The following RPS6KA2 variants were observed in gnomAD, a reference collection of about 807,000 sequenced individuals.
The protein encoded by RPS6KA2 is ribosomal protein S6 kinase alpha-2.
In RPS6KA2, 42 loss-of-function variants were observed where a neutral mutation model predicts 91.8. The observed-to-expected ratio is 0.46, with a 90% CI of 0.36 to 0.59. The LOEUF is 0.59. Ranked by LOEUF, RPS6KA2 falls within the 20% of genes least tolerant of loss-of-function variation. The probability of loss-of-function intolerance (pLI) is 0.00; values close to 1 mark genes in which losing one functional copy is unlikely to be tolerated. For synonymous variants in RPS6KA2, 414 were observed against 393.6 expected (o/e 1.05, Z -0.61); for missense variants, 798 against 978.5 (o/e 0.82, Z 2.46).
intron 1 of RPS6KA2, among the ~76,000 whole-genome samples, chr6:166,583,748 T>C (rs1785090578): frequency 6.6e-6 from 1 of 152,236 alleles, no homozygotes; most frequent in South Asian, 2.1e-4. Context: ...CTCACTTGGC[T>C]TGTTTCAGTC....
chr6:166,417,983 G>A (rs192961569), intron 19 of RPS6KA2, among the ~76,000 whole-genome samples: 248 of 152,162 alleles, frequency 1.6e-3, no homozygotes, highest in African/African-American at 4.8e-3. Flanking sequence ...AGCTACTTGG[G>A]AGGCTGAGAC....
Position 166,853,792 on chromosome 6 carries a change from G to A in RPS6KA2, c.123+4408C>T, listed in dbSNP as rs1383998594. On this transcript the variant is annotated intron_variant, in intron 2 of 21. Coordinates refer to the RPS6KA2 transcript ENST00000503859. Reference sequence around the variant, plus strand: ...GCAGGGCAGTCCCCAGGGGAGCCACGAGCTTGTTTCCTGCACGGAGCTGTC... The same window carrying A: ...GCAGGGCAGTCCCCAGGGGAGCCACAAGCTTGTTTCCTGCACGGAGCTGTC... Among the ~76,000 whole-genome samples the A allele has an allele frequency of 2.6e-5, 4 of 152,350 alleles. 1 individual carries two copies. The East Asian group carries it at 7.7e-4, about 29-fold the overall frequency.
intron 2 of RPS6KA2, among the ~76,000 whole-genome samples, chr6:166,727,284 G>A (rs947782968): frequency 9.3e-5 from 14 of 151,342 alleles, no homozygotes; most frequent in African/African-American, 2.9e-4. Context: ...TTATTATATC[G>A]CATCTTATAA....
intron 2 of RPS6KA2, among the ~76,000 whole-genome samples, chr6:166,669,977 T>C (rs2128560553): frequency 6.6e-6 from 1 of 152,230 alleles, no homozygotes; most frequent in South Asian, 2.1e-4. Context: ...GGGTTGAGGG[T>C]TGCTCCTCCC....
At chr6:166,660,959 T>A (rs1788147409) in intron 2 of RPS6KA2, among the ~76,000 whole-genome samples, 2 of 152,270 alleles carry the variant, frequency 1.3e-5, no homozygotes, top group East Asian at 3.9e-4. Flanking sequence ...GTCATAAAAA[T>A]TTTGAGGTTA....
chr6:166,663,761 G>A (rs1274564576), intron 2 of RPS6KA2, among the ~76,000 whole-genome samples: 1 of 152,196 alleles, frequency 6.6e-6, no homozygotes, highest in Non-Finnish European at 1.5e-5. Flanking sequence ...TGGATGGGAG[G>A]ATGAACACAG....
At chr6:166,436,757 C>T (rs1003254839) in intron 14 of RPS6KA2, among the ~76,000 whole-genome samples, 2 of 152,200 alleles carry the variant, frequency 1.3e-5, no homozygotes, top group Non-Finnish European at 2.9e-5. Context: ...CGCTCCCCGT[C>T]CTGGAAGGGA....
intron 14 of RPS6KA2, among the ~76,000 whole-genome samples, chr6:166,439,534 G>A (rs1394969427): frequency 6.6e-6 from 1 of 152,234 alleles, no homozygotes; most frequent in Non-Finnish European, 1.5e-5. Flanking sequence ...ACTTTGTTGA[G>A]GTGCTGGAAC....
rs115310548 is a variant in RPS6KA2, at chr6:166,612,073, C to T, written c.99+14848G>A. ...TGAATAAGGCATCCAACCCATTCTC[C>T]AACACCCCTTTCCCAGGCCTGTTTG... On this transcript the variant is annotated intron_variant, in intron 1 of 20. Transcript: ENST00000265678. The surrounding 1 kb of genome is among the most constrained non-coding windows in gnomAD (Gnocchi z 4.3). 7.4e-3 allele frequency among the ~76,000 whole-genome samples: 1,122 copies of T among 152,308 alleles called. 10 individuals are homozygous for T. The highest frequency in any genetic ancestry group is 0.023 in the African/African-American group (945 of 41,556).
chr6:166,530,644 T>C (rs1392533130), intron 3 of RPS6KA2, among the ~76,000 whole-genome samples: 1 of 152,170 alleles, frequency 6.6e-6, no homozygotes, highest in African/African-American at 2.4e-5. Context: ...TAGGAGGTGA[T>C]CAGAACAGAT....
At chr6:166,569,702 C>T (rs1319181861) in intron 1 of RPS6KA2, among the ~76,000 whole-genome samples, 6 of 152,324 alleles carry the variant, frequency 3.9e-5, no homozygotes, top group East Asian at 3.9e-4. Flanking sequence ...CTTCTGTGTC[C>T]TTGTGATCCC....
At chr6:166,552,230 G>A (rs150920609) in intron 1 of RPS6KA2, among the ~76,000 whole-genome samples, 28 of 152,358 alleles carry the variant, frequency 1.8e-4, no homozygotes, top group African/African-American at 5.8e-4. Flanking sequence ...GCCACATTTT[G>A]TACTAATGCC....
chr6:166,478,424 G>A (rs1372965582), intron 10 of RPS6KA2, among the ~76,000 whole-genome samples: 6 of 152,148 alleles, frequency 3.9e-5, no homozygotes, highest in South Asian at 2.1e-4. Flanking sequence ...CGGGCAAGGC[G>A]GGCATGACTC....
chr6:166,642,622 A>G (rs1787479813), intron 2 of RPS6KA2, among the ~76,000 whole-genome samples: 1 of 152,284 alleles, frequency 6.6e-6, no homozygotes, highest in Non-Finnish European at 1.5e-5. Flanking sequence ...AAAGTTTCCA[A>G]AGCAATCAAT....
chr6:166,432,510 T>C lies in RPS6KA2; in HGVS notation c.1333-20A>G. On this transcript the variant is annotated intron_variant, in intron 14 of 20. Coordinates refer to ENST00000265678, the MANE Select transcript of RPS6KA2 (RefSeq NM_021135.6). The stretch of plus-strand genomic sequence containing the variant: ...AATGATCTGGAACAAACACAGCACA[T>C]GGCAGTGAGGGGTCTACTTTAGGCT... 2.0e-6 allele frequency: 3 copies of C among 1,516,634 alleles called. No individual in the cohort carries two copies. Among genetic ancestry groups the C allele is most frequent in the Non-Finnish European group, 2.7e-6 (3 of 1,091,976 alleles). 93.9% of individuals were successfully genotyped at this position (1,516,634 alleles called of 1,614,324 possible).
chr6:166,552,453 G>A, intron 1 of RPS6KA2, among the ~76,000 whole-genome samples: 1 of 152,178 alleles, frequency 6.6e-6, no homozygotes, highest in East Asian at 1.9e-4. Flanking sequence ...ATGTGGGCTT[G>A]AGAACTTTCT....
intron 17 of RPS6KA2, among the ~76,000 whole-genome samples, chr6:166,422,365 C>A (rs1420163961): frequency 1.3e-5 from 2 of 152,166 alleles, no homozygotes; most frequent in Non-Finnish European, 2.9e-5. Context: ...ACCTCTTAAA[C>A]AACTCCAAGA....
Position 166,793,705 on chromosome 6 carries a change from C to A in RPS6KA2, c.123+64495G>T, listed in dbSNP as rs1583126220. Among the ~76,000 whole-genome samples, 4 of 152,328 alleles carry A rather than the reference C, an allele frequency of 2.6e-5. No homozygotes were observed. The South Asian group carries it at 8.3e-4, about 32-fold the overall frequency. On this transcript the variant is annotated intron_variant, in intron 2 of 21. Coordinates refer to the RPS6KA2 transcript ENST00000503859. ...AGCCCTCAGAAATAGTGCCACATAT[C>A]TACAACCATCTGATCTTTAACAAAC... is the stretch of plus-strand genomic sequence containing the variant.
chr6:166,592,276 T>C (rs894525999), intron 1 of RPS6KA2, among the ~76,000 whole-genome samples: 1 of 152,208 alleles, frequency 6.6e-6, no homozygotes, highest in Non-Finnish European at 1.5e-5. Flanking sequence ...GAGCTTCTGA[T>C]GGGTGCACCT....
Sources: allele counts gnomAD v4.1 joint callset (sites outside exome capture counted in the v4.1 genomes callset), GRCh38; gene constraint gnomAD v4.1.1; non-coding constraint Gnocchi (gnomAD v3.1); transcripts MANE v1.5; gene names NCBI Gene and HGNC (gene_info 2026-07-23, HGNC 2026-07-21).